WDR7: variants seen among roughly 807,000 people sequenced by gnomAD.
WDR7 encodes the protein WD repeat-containing protein 7.
In WDR7, 46 loss-of-function variants were observed where a neutral mutation model predicts 169.4. That is an observed-to-expected ratio of 0.27 (90% CI 0.21 to 0.35). The LOEUF is 0.35. Among genes scored for constraint, WDR7 ranks in the 10% least tolerant of loss-of-function variants. The probability of loss-of-function intolerance (pLI) is 1.00; values close to 1 mark genes in which losing one functional copy is unlikely to be tolerated. For synonymous variants in WDR7, 612 were observed against 666.8 expected (o/e 0.92, Z 1.27); for missense variants, 1,534 against 1,859.3 (o/e 0.83, Z 3.22).
intron 14 of WDR7, among the ~76,000 whole-genome samples, chr18:56,731,907 A>G (rs541264826): frequency 1.3e-5 from 2 of 152,352 alleles, no homozygotes; most frequent in Non-Finnish European, 2.9e-5. Context: ...TTCTGTTGAA[A>G]GATTGAGCAC....
intron 21 of WDR7, among the ~76,000 whole-genome samples, chr18:56,895,218 G>T (rs1285620982): frequency 6.6e-6 from 1 of 151,894 alleles, no homozygotes; most frequent in Non-Finnish European, 1.5e-5. Flanking sequence ...ATGTCAATCA[G>T]CAAGATAAAT....
At chr18:56,815,672 T>C (rs1438263142) in intron 19 of WDR7, among the ~76,000 whole-genome samples, 2 of 152,206 alleles carry the variant, frequency 1.3e-5, no homozygotes, top group East Asian at 3.9e-4. Flanking sequence ...AGTAAACTTT[T>C]AAAACAATCC....
chr18:56,806,142 T>C (rs2044769829), intron 19 of WDR7, among the ~76,000 whole-genome samples: 1 of 152,260 alleles, frequency 6.6e-6, no homozygotes, highest in African/African-American at 2.4e-5. Flanking sequence ...TTTTCACTTA[T>C]TCATTGATAA....
intron 26 of WDR7, among the ~76,000 whole-genome samples, chr18:57,016,606 C>T (rs544425692): frequency 1.8e-4 from 28 of 152,320 alleles, no homozygotes; most frequent in African/African-American, 5.1e-4. Context: ...CTTTTATTGA[C>T]GCTGACCAAA....
intron 21 of WDR7, among the ~76,000 whole-genome samples, chr18:56,883,946 C>T (rs2046150528): frequency 2.6e-5 from 4 of 152,100 alleles, no homozygotes; most frequent in Admixed American, 2.6e-4. Flanking sequence ...CATATTTTTG[C>T]AATTGCTAAT....
intron 26 of WDR7, among the ~76,000 whole-genome samples, chr18:57,020,137 A>T (rs2048267478): frequency 6.6e-6 from 1 of 152,200 alleles, no homozygotes; most frequent in Non-Finnish European, 1.5e-5. Flanking sequence ...TATCCCTGTT[A>T]ACTTGTTTTT....
At chr18:56,775,547 A>G (rs1019322750) in intron 16 of WDR7, among the ~76,000 whole-genome samples, 6 of 152,164 alleles carry the variant, frequency 3.9e-5, no homozygotes, top group African/African-American at 1.4e-4. Flanking sequence ...TAAGTATAAC[A>G]TTGTAAAATA....
chr18:56,941,070 T>C (rs572688499), intron 25 of WDR7, among the ~76,000 whole-genome samples: 1 of 152,192 alleles, frequency 6.6e-6, no homozygotes, highest in East Asian at 1.9e-4. Flanking sequence ...TAACATTTAT[T>C]GAACACCTAC....
In WDR7 at chr18:56,816,060, A is replaced by G. The variant is rs1398908585; in HGVS notation, c.3220A>G (p.Ile1074Val). The G allele has an allele frequency of 2.5e-6, 4 of 1,613,166 alleles. No individual in the cohort carries two copies. Among genetic ancestry groups the G allele is most frequent in the East Asian group, 2.2e-5 (1 of 44,826 alleles). The change falls in exon 20 of 28, where the codon ATC becomes GTC. Residue 1074 changes from isoleucine to valine, a missense_variant. Coordinates refer to ENST00000254442, the MANE Select transcript of WDR7 (RefSeq NM_015285.3). The stretch of plus-strand genomic sequence containing the variant: ...AGTCACATCAGAAGCCGCGCAGACT[A>G]TCACCACGGCTCCTGATGCCTCAGG... ...PGVTSEAAQT[I>V]TTAPDASGPE...
At chr18:56,954,899 C>T (rs1422011200) in intron 25 of WDR7, among the ~76,000 whole-genome samples, 1 of 152,012 alleles carries the variant, frequency 6.6e-6, no homozygotes, top group Non-Finnish European at 1.5e-5. Context: ...GATAGCTTAC[C>T]TTTTCTTAAA....
chr18:56,835,345 A>G (rs1209113019), intron 20 of WDR7, among the ~76,000 whole-genome samples: 1 of 152,368 alleles, frequency 6.6e-6, no homozygotes, highest in East Asian at 1.9e-4. Flanking sequence ...TACTAAGATC[A>G]GAATATGTGC....
intron 12 of WDR7, among the ~76,000 whole-genome samples, chr18:56,698,797 T>C (rs1223367148): frequency 6.6e-6 from 1 of 152,178 alleles, no homozygotes; most frequent in African/African-American, 2.4e-5. Context: ...AAAAATGATC[T>C]AGACAGGGAA....
chr18:56,682,732 A>T lies in WDR7; in HGVS notation c.399A>T (p.Gly133=), dbSNP rs753421215. 1.5e-5 allele frequency: 25 copies of T among 1,613,750 alleles called. No homozygotes were observed. Among genetic ancestry groups the T allele is most frequent in the Non-Finnish European group, 2.1e-5 (25 of 1,179,836 alleles). ...GAGAAGGAAGGCTTTTATGCCACGG[A>T]CATTACCCTGAAATCCTTGTTGTGG... is the stretch of plus-strand genomic sequence containing the variant. The part of the protein sequence containing the change: ...NQREGRLLCH[G]HYPEILVVDA... Residue 133 remains glycine, a synonymous_variant, in exon 5 of 28, where the codon GGA becomes GGT. Transcript: ENST00000254442.
chr18:56,846,794 G>GCT (rs2145350794), intron 20 of WDR7, among the ~76,000 whole-genome samples: 1 of 152,214 alleles, frequency 6.6e-6, no homozygotes, highest in South Asian at 2.1e-4. Context: ...GTTTCCTGAG[G>GCT]CTCTCACCAG....
intron 13 of WDR7, among the ~76,000 whole-genome samples, chr18:56,719,242 T>G (rs1441985909): frequency 1.3e-5 from 2 of 152,142 alleles, no homozygotes. Context: ...GCACATGTCT[T>G]TCTAATCTCT....
At chr18:56,929,230 C>T (rs539218099) in intron 22 of WDR7, among the ~76,000 whole-genome samples, 10 of 152,070 alleles carry the variant, frequency 6.6e-5, no homozygotes, top group African/African-American at 1.7e-4. Context: ...GAGCTATGAT[C>T]GTACCACTGT....
chr18:56,758,935 C>G lies in WDR7; in HGVS notation c.2830C>G (p.Gln944Glu). Residue 944 changes from glutamine to glutamate, a missense_variant, in exon 16 of 28, where the codon CAA becomes GAA. Gln to Glu is a conservative substitution (Grantham distance 29, BLOSUM62 2). Coordinates refer to ENST00000254442, the MANE Select transcript of WDR7 (RefSeq NM_015285.3). Reference protein sequence around the residue: ...GSPPTSSNIVQGQIKQVAAPV... With the variant: ...GSPPTSSNIVEGQIKQVAAPV... ...CCCTCCAACTTCCAGTAATATTGTG[C>G]AAGGACAGATTAAACAAGGTAAAAT... 1 of 1,612,276 alleles carries G rather than the reference C, an allele frequency of 6.2e-7. No individual in the cohort carries two copies. Among genetic ancestry groups the G allele is most frequent in the East Asian group, 2.2e-5 (1 of 44,718 alleles).
intron 12 of WDR7, among the ~76,000 whole-genome samples, chr18:56,712,461 G>T (rs945931867): frequency 1.3e-5 from 2 of 152,174 alleles, no homozygotes; most frequent in Non-Finnish European, 2.9e-5. Flanking sequence ...AATAATAATT[G>T]ACCTAAGAAT....
At chr18:56,937,410 C>A (rs561127998) in intron 23 of WDR7, among the ~76,000 whole-genome samples, 137 of 151,782 alleles carry the variant, frequency 9.0e-4, no homozygotes, top group African/African-American at 3.2e-3. Flanking sequence ...ATAAATGAAA[C>A]AACACACACA....
Sources: allele counts gnomAD v4.1 joint callset (sites outside exome capture counted in the v4.1 genomes callset), GRCh38; gene constraint gnomAD v4.1.1; transcripts MANE v1.5; gene names NCBI Gene and HGNC (gene_info 2026-07-23, HGNC 2026-07-21).